RIMKLA: variants seen among roughly 807,000 people sequenced by gnomAD.
RIMKLA encodes the protein ribosomal modification protein rimK like family member A, also known as N-acetylaspartylglutamate synthase A.
Under a neutral mutation model 32.7 loss-of-function variants are expected in RIMKLA, and 14 were observed. The observed-to-expected ratio is 0.43, with a 90% CI of 0.28 to 0.67. RIMKLA has a LOEUF of 0.67. Ranked by LOEUF, RIMKLA falls within the 30% of genes least tolerant of loss-of-function variation. RIMKLA has a pLI of 0.18. For synonymous variants in RIMKLA, 176 were observed against 204.1 expected (o/e 0.86, Z 1.18); for missense variants, 410 against 519.0 (o/e 0.79, Z 2.04).
At chr1:42,400,970 A>G (rs918165715) in intron 2 of RIMKLA, among the ~76,000 whole-genome samples, 3 of 151,802 alleles carry the variant, frequency 2.0e-5, no homozygotes, top group African/African-American at 7.3e-5. Context: ...TTTTTAAAAG[A>G]GGGAATCCTT....
At chr1:42,412,692 GA>G in intron 4 of RIMKLA, 1 of 466,992 alleles carries the variant, frequency 2.1e-6, no homozygotes, top group Non-Finnish European at 4.2e-6. Context: ...TTAGAAACCA[GA>G]TGATGACTTT....
chr1:42,399,497 C>G lies in RIMKLA; in HGVS notation c.257C>G (p.Thr86Ser). 2 of 1,613,478 alleles carry G rather than the reference C, an allele frequency of 1.2e-6. No homozygotes were observed. Among genetic ancestry groups the G allele is most frequent in the Non-Finnish European group, 1.7e-6 (2 of 1,179,778 alleles). ...TPSVQSDSDI[T>S]VLRHLEKLGC... is the part of the protein sequence containing the mutation. ...TCAGTGCAGTCAGACAGTGACATCA[C>G]TGTCCTGCGACACCTGGAGAAGCTG... Residue 86 changes from threonine (T) to serine (S), a missense_variant, in exon 2 of 5, where the codon ACT becomes AGT. Transcript: ENST00000431473.
chr1:42,411,647 ATTATTTATTTATTTATTTAT>A lies in RIMKLA; in HGVS notation c.685+1483_685+1502del, dbSNP rs199789074. Among the ~76,000 whole-genome samples the A allele has an allele frequency of 9.7e-5, 14 of 144,222 alleles. No homozygotes were observed. The East Asian group carries it at 1.0e-3, about 10-fold the overall frequency. 94.6% of individuals were successfully genotyped at this position (144,222 alleles called of 152,430 possible). On this transcript the variant is annotated intron_variant, in intron 4 of 4. Coordinates refer to ENST00000431473, the MANE Select transcript of RIMKLA (RefSeq NM_173642.4). ...GGCTGATTTTTGTATTTTTATTTTT[ATTATTTATTTATTTATTTAT>A]TTATTTATTTATTTATTTATTTTTG...
intron 1 of RIMKLA, among the ~76,000 whole-genome samples, chr1:42,388,812 G>C (rs1642973343): frequency 6.6e-6 from 1 of 152,216 alleles, no homozygotes; most frequent in Non-Finnish European, 1.5e-5. Flanking sequence ...TACTGTGCCT[G>C]GCCTCCACTG....
chr1:42,398,124 C>T (rs1643063525), intron 1 of RIMKLA, among the ~76,000 whole-genome samples: 1 of 152,198 alleles, frequency 6.6e-6, no homozygotes, highest in South Asian at 2.1e-4. Context: ...TACCGTGCAG[C>T]AGGCACTATT....
rs1276089050 is a variant in RIMKLA, at chr1:42,380,906, GCCGCGCGGGGCGCA to G, written c.-24_-11del. On this transcript the variant is annotated 5_prime_UTR_variant, in exon 1 of 5. Transcript: ENST00000431473. ...CGGCCCGGGGCGCCGAGGGGTCCGC[GCCGCGCGGGGCGCA>G]CCGCCCTGGCCGCCATGTGCTCCCA... 3 of 1,309,042 alleles carry G rather than the reference GCCGCGCGGGGCGCA, an allele frequency of 2.3e-6. No homozygotes were observed. Among genetic ancestry groups the G allele is most frequent in the Non-Finnish European group, 2.9e-6 (3 of 1,030,622 alleles). The allele number at this position is 1,309,042 out of a possible 1,614,324, so 81.1% of individuals were successfully genotyped here. A position where few individuals can be genotyped will look rare whatever the true frequency, so the allele number is the denominator to read the frequency against.
chr1:42,385,497 G>A lies in RIMKLA; in HGVS notation c.163+4400G>A, dbSNP rs550010885. 3.3e-5 allele frequency among the ~76,000 whole-genome samples: 5 copies of A among 152,224 alleles called. No individual in the cohort carries two copies. In the East Asian group the frequency reaches 5.8e-4, roughly 18 times the overall value. On this transcript the variant is annotated intron_variant, in intron 1 of 4. Coordinates refer to ENST00000431473, the MANE Select transcript of RIMKLA (RefSeq NM_173642.4). ...CTTCCCTTACATTTAGAGCTAAAAC[G>A]TTGGTAGCTAAATGGCAAATTCTAG...
chr1:42,404,360 A>G, intron 2 of RIMKLA, 151 bp from the exon 3 acceptor site: 6 of 630,666 alleles, frequency 9.5e-6, no homozygotes, highest in Non-Finnish European at 1.4e-5. Flanking sequence ...TTGCAGGTAT[A>G]TAATGTGTGT....
rs1480834170 is a variant in RIMKLA, at chr1:42,416,643, T to C, written c.*1669T>C. The C allele has an allele frequency of 6.6e-6, 1 of 152,252 alleles. No individual in the cohort carries two copies. The highest frequency in any genetic ancestry group is 2.4e-5 in the African/African-American group (1 of 41,468). 9.4% of individuals were successfully genotyped at this position (152,252 alleles called of 1,614,324 possible). Reference sequence around the variant, plus strand: ...TCAGCTTCACTGGAATAAACATACATCTTCCCAAGGTGACTACTTCAAAGG... The same window carrying C: ...TCAGCTTCACTGGAATAAACATACACCTTCCCAAGGTGACTACTTCAAAGG... On this transcript the variant is annotated 3_prime_UTR_variant, in exon 5 of 5. Transcript: ENST00000431473.
intron 1 of RIMKLA, among the ~76,000 whole-genome samples, chr1:42,396,799 T>A (rs1325807849): frequency 6.6e-6 from 1 of 152,238 alleles, no homozygotes; most frequent in African/African-American, 2.4e-5. Context: ...GCCTTACATA[T>A]GTATAGCATT....
intron 3 of RIMKLA, among the ~76,000 whole-genome samples, chr1:42,407,885 T>C (rs1370770005): frequency 6.6e-6 from 1 of 152,174 alleles, no homozygotes; most frequent in Admixed American, 6.5e-5. Flanking sequence ...CTTTCTCTCC[T>C]TTTTTCCTTC....
chr1:42,402,872 A>T (rs180943636), intron 2 of RIMKLA, among the ~76,000 whole-genome samples: 1 of 152,176 alleles, frequency 6.6e-6, no homozygotes, highest in Admixed American at 6.5e-5. Context: ...GATTCCAGGC[A>T]TGAGCCACCA....
chr1:42,413,798 T>A (rs906202042), intron 4 of RIMKLA, among the ~76,000 whole-genome samples: 5 of 150,388 alleles, frequency 3.3e-5, no homozygotes, highest in African/African-American at 7.3e-5. Context: ...AGTGGCATGA[T>A]CATGGCTCAC....
chr1:42,383,132 C>T (rs1489703537), intron 1 of RIMKLA, among the ~76,000 whole-genome samples: 7 of 151,828 alleles, frequency 4.6e-5, no homozygotes, highest in East Asian at 1.9e-4. Flanking sequence ...GTGATCCATC[C>T]GCCTCGACCT....
chr1:42,386,221 C>T (rs1177053434), intron 1 of RIMKLA, among the ~76,000 whole-genome samples: 1 of 151,858 alleles, frequency 6.6e-6, no homozygotes, highest in Non-Finnish European at 1.5e-5. Context: ...CCGAGCCTGG[C>T]CCCTACTCCT....
At chr1:42,396,282 T>TG (rs1234629163) in intron 1 of RIMKLA, among the ~76,000 whole-genome samples, 1 of 142,756 alleles carries the variant, frequency 7.0e-6, no homozygotes, top group East Asian at 2.1e-4. Flanking sequence ...GCTGTGTCAA[T>TG]GGGCAAAGAT....
chr1:42,387,529 G>A (rs1262542047), intron 1 of RIMKLA, among the ~76,000 whole-genome samples: 1 of 152,122 alleles, frequency 6.6e-6, no homozygotes, highest in Non-Finnish European at 1.5e-5. Flanking sequence ...TATACTTTAT[G>A]TGTCTTAATC....
chr1:42,422,050 C>G lies in RIMKLA; in HGVS notation c.*7076C>G, dbSNP rs1344607132. Reference sequence around the variant, plus strand: ...TGGCAAACACTCTATATCAAGACCCCCCTCCCCGAGAGCTGGTTGTTAAAC... The same window carrying G: ...TGGCAAACACTCTATATCAAGACCCGCCTCCCCGAGAGCTGGTTGTTAAAC... On this transcript the variant is annotated 3_prime_UTR_variant, in exon 5 of 5. Transcript: ENST00000431473. 1 of 152,148 alleles carries G rather than the reference C, an allele frequency of 6.6e-6. No homozygotes were observed. The highest frequency in any genetic ancestry group is 2.4e-5 in the African/African-American group (1 of 41,412). The allele number at this position is 152,148 out of a possible 1,614,324, so 9.4% of individuals were successfully genotyped here.
intron 1 of RIMKLA, among the ~76,000 whole-genome samples, chr1:42,382,808 A>G (rs2148380996): frequency 6.6e-6 from 1 of 152,290 alleles, no homozygotes; most frequent in East Asian, 1.9e-4. Context: ...TTAAATGTTA[A>G]TAGAATTCAT....
Sources: allele counts gnomAD v4.1 joint callset (sites outside exome capture counted in the v4.1 genomes callset), GRCh38; gene constraint gnomAD v4.1.1; transcripts MANE v1.5; gene names NCBI Gene and HGNC (gene_info 2026-07-23, HGNC 2026-07-21).